The following RIMBP2 variants were observed in gnomAD, a reference collection of about 807,000 sequenced individuals.
The protein encoded by RIMBP2 is RIMS binding protein 2.
A neutral mutation model predicts 118.6 loss-of-function variants in RIMBP2; 48 were observed. That is an observed-to-expected ratio of 0.40 (90% CI 0.32 to 0.51). RIMBP2 has a LOEUF of 0.51. Ranked by LOEUF, RIMBP2 falls within the 20% of genes least tolerant of loss-of-function variation. The pLI is 0.41. For missense variants in RIMBP2, 1,551 were observed against 1,768.3 expected, an observed-to-expected ratio of 0.88 and a Z score of 2.20; for synonymous variants, 762 against 742.9, an observed-to-expected ratio of 1.03 and a Z score of -0.42.
intron 1 of RIMBP2, among the ~76,000 whole-genome samples, chr12:130,673,615 C>T (rs1460937331): frequency 6.6e-6 from 1 of 152,138 alleles, no homozygotes; most frequent in East Asian, 1.9e-4. Flanking sequence ...GGATGAAAGG[C>T]CATTGCAGTA....
chr12:130,516,709 G>A (rs1049908203), intron 3 of RIMBP2, among the ~76,000 whole-genome samples: 2 of 152,192 alleles, frequency 1.3e-5, no homozygotes, highest in East Asian at 3.9e-4. Context: ...GGGATCCAAG[G>A]AACAAAAGTA....
At chr12:130,528,483 A>T (rs986816553) in intron 2 of RIMBP2, among the ~76,000 whole-genome samples, 1 of 152,202 alleles carries the variant, frequency 6.6e-6, no homozygotes, top group East Asian at 1.9e-4. Flanking sequence ...GAGAATCAGG[A>T]AAAATAGCTA....
intron 1 of RIMBP2, among the ~76,000 whole-genome samples, chr12:130,700,969 T>C (rs2065828515): frequency 1.3e-5 from 2 of 152,232 alleles, no homozygotes; most frequent in African/African-American, 4.8e-5. Context: ...CTGAGCATGG[T>C]GTGTGTGCCA....
chr12:130,439,722 T>G (rs1593302325), intron 11 of RIMBP2, among the ~76,000 whole-genome samples: 4 of 122,902 alleles, frequency 3.3e-5, no homozygotes, highest in Admixed American at 8.5e-5. Context: ...TCGGTGGGGG[T>G]GTTTGTGGGT....
intron 2 of RIMBP2, among the ~76,000 whole-genome samples, chr12:130,570,384 C>T (rs1271477699): frequency 6.6e-6 from 1 of 152,264 alleles, no homozygotes; most frequent in Non-Finnish European, 1.5e-5. Flanking sequence ...TGAGATCACA[C>T]CACTGCACTC....
At chr12:130,625,369 T>C (rs1225481763) in intron 2 of RIMBP2, among the ~76,000 whole-genome samples, 1 of 152,118 alleles carries the variant, frequency 6.6e-6, no homozygotes, top group Non-Finnish European at 1.5e-5. Context: ...AGAATGGTCA[T>C]TGTGGATTTA....
At chr12:130,593,633 T>C (rs2059403417) in intron 2 of RIMBP2, among the ~76,000 whole-genome samples, 1 of 152,192 alleles carries the variant, frequency 6.6e-6, no homozygotes, top group South Asian at 2.1e-4. Context: ...TTCCACGTCA[T>C]GCATGTCCAG....
At chr12:130,656,219 G>T (rs1045316015) in intron 1 of RIMBP2, among the ~76,000 whole-genome samples, 2 of 152,104 alleles carry the variant, frequency 1.3e-5, no homozygotes, top group South Asian at 2.1e-4. Flanking sequence ...GGGGTTGGGG[G>T]ACCCGGCAAG....
At chr12:130,432,373 G>A (rs981398569) in intron 14 of RIMBP2, 17 of 451,266 alleles carry the variant, frequency 3.8e-5, no homozygotes, top group Non-Finnish European at 6.7e-5. Context: ...CTACTTGCCA[G>A]TTGTGTTTTG....
At chr12:130,612,406 G>A (rs1212663795) in intron 2 of RIMBP2, among the ~76,000 whole-genome samples, 1 of 152,114 alleles carries the variant, frequency 6.6e-6, no homozygotes, top group East Asian at 1.9e-4. Flanking sequence ...GGGTTGAAAG[G>A]TCACCATGCG....
At chr12:130,597,159 C>G (rs560525839) in intron 2 of RIMBP2, among the ~76,000 whole-genome samples, 1 of 152,274 alleles carries the variant, frequency 6.6e-6, no homozygotes, top group African/African-American at 2.4e-5. Context: ...GTCACTATGA[C>G]TCATAAACAA....
intron 2 of RIMBP2, among the ~76,000 whole-genome samples, chr12:130,530,828 C>T (rs2053294687): frequency 6.6e-6 from 1 of 152,186 alleles, no homozygotes; most frequent in Admixed American, 6.5e-5. Flanking sequence ...TTCTTCACCA[C>T]ACTTCAAATT....
chr12:130,688,962 G>A lies in RIMBP2; in HGVS notation c.-352+27260C>T, dbSNP rs1430228257. Among the ~76,000 whole-genome samples the A allele has an allele frequency of 3.9e-5, 6 of 152,232 alleles. No homozygotes were observed. Among genetic ancestry groups the A allele is most frequent in the Non-Finnish European group, 5.9e-5 (4 of 68,042 alleles). On this transcript the variant is annotated intron_variant, in intron 1 of 22. Coordinates refer to ENST00000690449, the MANE Select transcript of RIMBP2 (RefSeq NM_001393629.1). The surrounding 1 kb of genome is among the most constrained non-coding windows in gnomAD (Gnocchi z 4.7). ...GGCAGCAGAGAACTGCCCAGTGTGCGCCGATATCCTCTGTCCCTTTTCATT... is the reference window on the plus strand; with the variant it reads ...GGCAGCAGAGAACTGCCCAGTGTGCACCGATATCCTCTGTCCCTTTTCATT...
At chr12:130,408,725 GC>G (rs1401668016) in intron 19 of RIMBP2, among the ~76,000 whole-genome samples, 4 of 152,220 alleles carry the variant, frequency 2.6e-5, no homozygotes, top group Non-Finnish European at 1.5e-5. Flanking sequence ...GCGAAAGTTG[GC>G]ATTTATGTGT....
At chr12:130,566,665 A>G (rs2057243036) in intron 2 of RIMBP2, among the ~76,000 whole-genome samples, 1 of 152,250 alleles carries the variant, frequency 6.6e-6, no homozygotes, top group Non-Finnish European at 1.5e-5. Context: ...CGGACTCTGC[A>G]GCCCCAGCCG....
At chr12:130,594,689 G>T (rs1050451125) in intron 2 of RIMBP2, among the ~76,000 whole-genome samples, 1 of 152,080 alleles carries the variant, frequency 6.6e-6, no homozygotes, top group Non-Finnish European at 1.5e-5. Context: ...TTTAAGGGGG[G>T]GGTGTGGGTA....
chr12:130,558,668 A>G (rs1373090047), intron 2 of RIMBP2, among the ~76,000 whole-genome samples: 2 of 152,302 alleles, frequency 1.3e-5, no homozygotes, highest in Admixed American at 6.5e-5. Flanking sequence ...TTGGGTGTGC[A>G]GTCAGAGGCC....
chr12:130,614,565 TTC>T (rs1335499051), intron 2 of RIMBP2, among the ~76,000 whole-genome samples: 1 of 152,034 alleles, frequency 6.6e-6, no homozygotes, highest in Non-Finnish European at 1.5e-5. Context: ...CATAGACAAA[TTC>T]TGACCCAGAG....
In RIMBP2 at chr12:130,405,196, A is replaced by C. The variant is rs533006011; in HGVS notation, c.3765+976T>G. 3.9e-4 allele frequency among the ~76,000 whole-genome samples: 60 copies of C among 152,192 alleles called. 1 individual carries two copies. Among genetic ancestry groups the C allele is most frequent in the African/African-American group, 1.4e-3 (60 of 41,454 alleles). Reference sequence around the variant, plus strand: ...CCTTAATAAACAACAAAAATGGAGAAGCAAACACACACACACAAAGTTAAA... The same window carrying C: ...CCTTAATAAACAACAAAAATGGAGACGCAAACACACACACACAAAGTTAAA... On this transcript the variant is annotated intron_variant, in intron 21 of 22. Transcript: ENST00000690449.
Sources: gnomAD v4.1 joint callset for allele counts (sites outside exome capture counted in the v4.1 genomes callset) on GRCh38, gnomAD v4.1.1 for gene constraint, Gnocchi (gnomAD v3.1) non-coding constraint, MANE v1.5 for transcripts, NCBI Gene and HGNC (gene_info 2026-07-23, HGNC 2026-07-21) for gene names.